TSG101: variants seen among roughly 807,000 people sequenced by gnomAD.
TSG101 encodes the protein tumor susceptibility gene 101 protein.
TSG101 carries 19 observed loss-of-function variants against 48.5 expected under a neutral mutation model. The observed-to-expected ratio is 0.39, with a 90% CI of 0.27 to 0.58. The LOEUF (loss-of-function observed/expected upper bound fraction) is 0.58, where lower values mean the gene tolerates loss of function less well. TSG101 is among the 20% of genes least tolerant of loss of function. TSG101 has a pLI of 0.55. For missense variants in TSG101, 365 were observed against 484.4 expected (o/e 0.75, Z 2.31); for synonymous variants, 174 against 169.4 (o/e 1.03, Z -0.21).
At chr11:18,487,489 T>C (rs1414523652) in intron 7 of TSG101, among the ~76,000 whole-genome samples, 1 of 152,142 alleles carries the variant, frequency 6.6e-6, no homozygotes, top group Non-Finnish European at 1.5e-5. Flanking sequence ...CTAAAACACC[T>C]TAACACAAGG....
chr11:18,507,018 C>A, intron 5 of TSG101, 95 bp from the exon 6 acceptor site: 3 of 891,830 alleles, frequency 3.4e-6, no homozygotes, highest in Admixed American at 2.5e-5. Context: ...CAATACACAG[C>A]AAAATTTCAC....
At chr11:18,507,635 T>C (rs1849996937) in intron 5 of TSG101, 1 of 141,822 alleles carries the variant, frequency 7.1e-6, no homozygotes, top group Admixed American at 7.3e-5. Flanking sequence ...GAAGTTAATC[T>C]TGAGCTTAAC....
At chr11:18,505,215 G>GT (rs1183494403) in intron 6 of TSG101, among the ~76,000 whole-genome samples, 4 of 151,776 alleles carry the variant, frequency 2.6e-5, no homozygotes, top group Admixed American at 2.6e-4. Context: ...CTTGCTAATT[G>GT]TTAGAGCAGC....
At chr11:18,525,724 A>G (rs1229529577) in intron 1 of TSG101, 6 of 979,982 alleles carry the variant, frequency 6.1e-6, no homozygotes, top group Non-Finnish European at 7.3e-6. Context: ...AAGTTTATCA[A>G]AACAAAACCA....
At chr11:18,495,354 TA>T (rs1849758459) in intron 7 of TSG101, among the ~76,000 whole-genome samples, 1 of 152,248 alleles carries the variant, frequency 6.6e-6, no homozygotes, top group Non-Finnish European at 1.5e-5. Context: ...TTCAGAGCTA[TA>T]AATCAACTAC....
chr11:18,521,670 CTTTT>C (rs869176661), intron 1 of TSG101, among the ~76,000 whole-genome samples: 4 of 66,740 alleles, frequency 6.0e-5, no homozygotes, highest in South Asian at 7.2e-4. Context: ...TGGCCCCTTC[CTTTT>C]TTTTTTTTTT....
intron 7 of TSG101, among the ~76,000 whole-genome samples, chr11:18,497,076 G>A (rs1429485403): frequency 6.6e-6 from 1 of 152,134 alleles, no homozygotes; most frequent in African/African-American, 2.4e-5. Context: ...TGGCGACAGA[G>A]CGAGTCTGTC....
At chr11:18,490,628 T>C in intron 7 of TSG101, 1 of 461,668 alleles carries the variant, frequency 2.2e-6, no homozygotes, top group Non-Finnish European at 4.2e-6. Flanking sequence ...AGAAAATGGT[T>C]GTATAGAATT....
chr11:18,487,413 GTC>G (rs1849635663), intron 7 of TSG101, among the ~76,000 whole-genome samples: 1 of 151,976 alleles, frequency 6.6e-6, no homozygotes, highest in Admixed American at 6.6e-5. Context: ...TATAATTTTG[GTC>G]TCTCACAACA....
intron 1 of TSG101, among the ~76,000 whole-genome samples, chr11:18,524,290 A>C (rs1288122837): frequency 6.6e-6 from 1 of 152,262 alleles, no homozygotes; most frequent in Non-Finnish European, 1.5e-5. Context: ...GTTATGTTGA[A>C]GTTGGGAGCT....
At chr11:18,513,464 T>C (rs1327861137) in intron 4 of TSG101, among the ~76,000 whole-genome samples, 6 of 151,952 alleles carry the variant, frequency 3.9e-5, no homozygotes, top group Admixed American at 2.0e-4. Context: ...CCAAGGTTTT[T>C]TTAAAATATT....
chr11:18,481,794 T>G lies in TSG101; in HGVS notation c.919A>C (p.Asn307His). Reference protein sequence around the residue: ...ELSSALEKMENQSENNDIDEV... With the variant: ...ELSSALEKMEHQSENNDIDEV... ...TCGATATCATTGTTTTCAGACTGAT[T>G]TTCCATTTTTTCCAGAGCAGAACTG... The change falls in exon 9 of 10, where the codon AAT becomes CAT. Residue 307 changes from asparagine to histidine, a missense_variant. By Grantham distance (68) the Asn-to-His change is moderately conservative. Transcript: ENST00000251968. 1 of 1,614,138 alleles carries G rather than the reference T, an allele frequency of 6.2e-7. No homozygotes were observed. Among genetic ancestry groups the G allele is most frequent in the African/African-American group, 1.3e-5 (1 of 75,050 alleles).
At chr11:18,523,691 G>A (rs1349342462) in intron 1 of TSG101, among the ~76,000 whole-genome samples, 2 of 152,022 alleles carry the variant, frequency 1.3e-5, no homozygotes, top group African/African-American at 4.8e-5. Flanking sequence ...TAGTAGAGAT[G>A]GGGTTTCACC....
chr11:18,521,571 G>A (rs867397608), intron 1 of TSG101, among the ~76,000 whole-genome samples: 50 of 147,676 alleles, frequency 3.4e-4, no homozygotes, highest in African/African-American at 1.2e-3. Context: ...ATCTCACTAT[G>A]TTGCCCAAGC....
At chr11:18,504,075 C>T (rs1167654868) in intron 6 of TSG101, among the ~76,000 whole-genome samples, 1 of 151,834 alleles carries the variant, frequency 6.6e-6, no homozygotes, top group Non-Finnish European at 1.5e-5. Context: ...GGGGCACACA[C>T]CTGTAGTCCC....
intron 7 of TSG101, among the ~76,000 whole-genome samples, chr11:18,499,237 AATTATATATTTATAT>A (rs1207528639): frequency 1.0e-4 from 14 of 137,450 alleles, no homozygotes; most frequent in African/African-American, 3.8e-4. Context: ...TATGATATAT[AATTATATATTTATAT>A]ATTATATATA....
At chr11:18,502,998 TTAAA>T (rs1849913483) in intron 6 of TSG101, among the ~76,000 whole-genome samples, 2 of 152,228 alleles carry the variant, frequency 1.3e-5, no homozygotes, top group Admixed American at 1.3e-4. Context: ...ACACTTGTCT[TTAAA>T]TAGTTTTTTT....
At chr11:18,525,035 C>T (rs951975855) in intron 1 of TSG101, among the ~76,000 whole-genome samples, 13 of 151,492 alleles carry the variant, frequency 8.6e-5, no homozygotes, top group Non-Finnish European at 1.6e-4. Context: ...CTCAGCCTCC[C>T]GAGTAGGCTG....
chr11:18,484,935 C>CT (rs529154247), intron 7 of TSG101, among the ~76,000 whole-genome samples: 84,725 of 107,920 alleles, frequency 0.79, 34,030 homozygotes, highest in Non-Finnish European at 0.81. Context: ...TAATTGCCGC[C>CT]TTTTTTTTTT....
Sources: allele counts gnomAD v4.1 joint callset (sites outside exome capture counted in the v4.1 genomes callset), GRCh38; gene constraint gnomAD v4.1.1; transcripts MANE v1.5; gene names NCBI Gene and HGNC (gene_info 2026-07-23, HGNC 2026-07-21).